Variants in ERCC1 observed in about 807,000 individuals in gnomAD.
ERCC1 encodes ERCC excision repair 1, endonuclease non-catalytic subunit, also known as DNA excision repair protein ERCC-1.
ERCC1 carries 36 observed loss-of-function variants against 37.6 expected under a neutral mutation model. The ratio of observed to expected loss-of-function variants is 0.96; its 90% CI spans 0.73 to 1.26. The LOEUF (loss-of-function observed/expected upper bound fraction) is 1.26, where lower values mean the gene tolerates loss of function less well. ERCC1 is among the 50% of genes most tolerant of loss of function. ERCC1 has a pLI of 0.00. For synonymous variants in ERCC1, 156 were observed against 162.1 expected, an observed-to-expected ratio of 0.96 and a Z score of 0.28; for missense variants, 349 against 376.5, an observed-to-expected ratio of 0.93 and a Z score of 0.60.
intron 1 of ERCC1, among the ~76,000 whole-genome samples, chr19:45,448,473 C>T (rs147546997): frequency 3.4e-4 from 51 of 151,886 alleles, no homozygotes; most frequent in African/African-American, 1.2e-3. Context: ...AAGGGACTCA[C>T]GGGAATAAAA....
chr19:45,423,658 C>T (rs2298881), intron 1 of ERCC1, 123 bp downstream of exon 1: 2 of 1,275,380 alleles, frequency 1.6e-6, no homozygotes, highest in East Asian at 3.3e-5. Context: ...GCCTTCCGTT[C>T]GTCCGGCCCC....
intron 1 of ERCC1, among the ~76,000 whole-genome samples, chr19:45,429,620 G>A (rs543712937): frequency 4.2e-4 from 63 of 149,804 alleles, no homozygotes; most frequent in African/African-American, 1.6e-3. Context: ...AATGGACTCA[G>A]GGACCCTGGG....
chr19:45,450,926 A>G (rs1452136810), intron 1 of ERCC1, among the ~76,000 whole-genome samples: 1 of 121,334 alleles, frequency 8.2e-6, no homozygotes, highest in South Asian at 3.0e-4. Context: ...AGACGCGGTG[A>G]CGCGACGGAC....
Position 45,420,403 on chromosome 19 carries a change from C to A in ERCC1, c.346G>T (p.Val116Leu). The change falls in exon 4 of 10, where the codon GTG becomes TTG. Residue 116 changes from valine to leucine, a missense_variant. By Grantham distance (32) the Val-to-Leu change is conservative. Coordinates refer to ENST00000300853, the MANE Select transcript of ERCC1 (RefSeq NM_001983.4). This position sits in a 1 kb window ranked among gnomAD's most constrained non-coding sequence, Gnocchi z 4.8. ...CCAAATTCCCAGGGCACATTGCGCA[C>A]GAACTTCAGTACGGGATTGCCCCTC... ...RQRGNPVLKF[V>L]RNVPWEFGDV... The A allele has an allele frequency of 6.2e-7, 1 of 1,613,472 alleles. No homozygotes were observed. The highest frequency in any genetic ancestry group is 8.5e-7 in the Non-Finnish European group (1 of 1,179,646).
chr19:45,445,418 A>C (rs1456267435), intron 1 of ERCC1, among the ~76,000 whole-genome samples: 1 of 152,148 alleles, frequency 6.6e-6, no homozygotes, highest in Non-Finnish European at 1.5e-5. Context: ...CTGGAAGCTT[A>C]CTCTTTGGAA....
In ERCC1 at chr19:45,419,188, G is replaced by C. The variant is rs781163425; in HGVS notation, c.435C>G (p.Tyr145Ter). The C allele has an allele frequency of 6.3e-7, 1 of 1,592,576 alleles. No individual in the cohort carries two copies. The highest frequency in any genetic ancestry group is 1.8e-5 in the Admixed American group (1 of 57,048). Reference sequence around the variant, plus strand: ...GGATGTAGTCTGGGTGCAGGTTGTGGTAGCGGAGGCTGGTGGGGGCAGGGA... The same window carrying C: ...GGATGTAGTCTGGGTGCAGGTTGTGCTAGCGGAGGCTGGTGGGGGCAGGGA... ...STCALFLSLR[Y>*]HNLHPDYIHG... Residue 145 changes from tyrosine to a stop codon, truncating the protein, a stop_gained, in exon 5 of 10, where the codon TAC (tyrosine) becomes TAG (stop). Transcript: ENST00000300853. LOFTEE classifies it high-confidence loss of function.
At chr19:45,449,946 AAG>A (rs1397372554) in intron 1 of ERCC1, among the ~76,000 whole-genome samples, 2 of 152,210 alleles carry the variant, frequency 1.3e-5, no homozygotes. Flanking sequence ...CCTGGGCAAA[AAG>A]AGCAAAACTC....
At chr19:45,434,547 G>A (rs1974924604) in intron 1 of ERCC1, among the ~76,000 whole-genome samples, 1 of 151,960 alleles carries the variant, frequency 6.6e-6, no homozygotes, top group South Asian at 2.1e-4. Flanking sequence ...TCCAATCGTT[G>A]CATCTCATTT....
In ERCC1 at chr19:45,408,402, T is replaced by C. The variant is rs1449912668; in HGVS notation, c.*1273A>G. On this transcript the variant is annotated 3_prime_UTR_variant, in exon 10 of 10. Transcript: ENST00000300853. ...CCCCCACCACAGATCCCTCCTGGCC[T>C]GAGGCCTCGGTTCTGTGCCTTTGGG... The C allele has an allele frequency of 1.2e-6, 2 of 1,613,034 alleles. No individual in the cohort carries two copies. Among genetic ancestry groups the C allele is most frequent in the Non-Finnish European group, 1.7e-6 (2 of 1,179,580 alleles).
At chr19:45,421,420 G>T (rs752695546) in intron 2 of ERCC1, 27 bp from the exon 3 acceptor site, 7 of 1,553,154 alleles carry the variant, frequency 4.5e-6, no homozygotes, top group Middle Eastern at 4.3e-4. Context: ...AGTTTGCAGG[G>T]GACTGGTTGG....
At chr19:45,428,593 C>G (rs1974758446), upstream of ERCC1, among the ~76,000 whole-genome samples, 1 of 152,224 alleles carries the variant, frequency 6.6e-6, no homozygotes, top group Non-Finnish European at 1.5e-5. Context: ...CATCCCAAAC[C>G]TTCCCCTCCT....
At chr19:45,444,668 GAA>G (rs1975214714) in intron 1 of ERCC1, among the ~76,000 whole-genome samples, 1 of 152,224 alleles carries the variant, frequency 6.6e-6, no homozygotes, top group Non-Finnish European at 1.5e-5. Context: ...AAGCAACAGG[GAA>G]CTGTCGGGGC....
intron 9 of ERCC1, chr19:45,409,941 G>C (rs1490258399): frequency 5.2e-6 from 1 of 193,340 alleles, no homozygotes; most frequent in Non-Finnish European, 9.8e-6. Flanking sequence ...GCCCAGGTTG[G>C]AGTGCAGTGG....
At chr19:45,448,735 C>T (rs1454280418) in intron 1 of ERCC1, among the ~76,000 whole-genome samples, 1 of 151,910 alleles carries the variant, frequency 6.6e-6, no homozygotes, top group Non-Finnish European at 1.5e-5. Flanking sequence ...GAGATAAACA[C>T]ACATCAGAGG....
chr19:45,445,380 A>C (rs908459297), intron 1 of ERCC1, among the ~76,000 whole-genome samples: 4 of 152,208 alleles, frequency 2.6e-5, no homozygotes, highest in Admixed American at 1.3e-4. Flanking sequence ...GTGAGAATGC[A>C]GTATTGAACA....
chr19:45,451,142 T>A (rs1967109472), intron 1 of ERCC1, among the ~76,000 whole-genome samples: 1 of 152,068 alleles, frequency 6.6e-6, no homozygotes, highest in Non-Finnish European at 1.5e-5. Flanking sequence ...CCGCCGTCTG[T>A]TGTCGCCCGC....
At chr19:45,417,370 C>G (rs1974127762) in intron 5 of ERCC1, among the ~76,000 whole-genome samples, 1 of 152,050 alleles carries the variant, frequency 6.6e-6, no homozygotes, top group Non-Finnish European at 1.5e-5. Context: ...CTGAGCCTGC[C>G]TGGGGGATCA....
rs1022920429 is a variant in ERCC1, at chr19:45,407,460, A to C, written c.*2215T>G. The C allele has an allele frequency of 1.9e-5, 10 of 521,450 alleles. No individual in the cohort carries two copies. Among genetic ancestry groups the C allele is most frequent in the Non-Finnish European group, 2.7e-5 (8 of 301,288 alleles). 32.3% of individuals were successfully genotyped at this position (521,450 alleles called of 1,614,324 possible). A position where few individuals can be genotyped will look rare whatever the true frequency, so the allele number is the denominator to read the frequency against. On this transcript the variant is annotated 3_prime_UTR_variant, in exon 10 of 10. Coordinates refer to ENST00000300853, the MANE Select transcript of ERCC1 (RefSeq NM_001983.4). ...CTTATAAGAAACTATAAGGAACTAT[A>C]GTTAAACTTGGAGTGTGCAGATAAG...
chr19:45,412,905 A>C (rs1292889658), intron 9 of ERCC1, among the ~76,000 whole-genome samples: 1 of 151,252 alleles, frequency 6.6e-6, no homozygotes, highest in Non-Finnish European at 1.5e-5. Flanking sequence ...ATACCTGGCT[A>C]CTTTTTTGTA....
Sources: gnomAD v4.1 joint callset for allele counts (sites outside exome capture counted in the v4.1 genomes callset) on GRCh38, gnomAD v4.1.1 for gene constraint, Gnocchi (gnomAD v3.1) non-coding constraint, MANE v1.5 for transcripts, NCBI Gene and HGNC (gene_info 2026-07-23, HGNC 2026-07-21) for gene names.